Variants in ADAMTS12 observed in about 807,000 individuals in gnomAD.
ADAMTS12 encodes the protein ADAM metallopeptidase with thrombospondin type 1 motif 12, also known as A disintegrin and metalloproteinase with thrombospondin motifs 12.
ADAMTS12 carries 118 observed loss-of-function variants against 167.8 expected under a neutral mutation model. The observed-to-expected ratio is 0.70, with a 90% confidence interval of 0.61 to 0.82. The LOEUF is 0.82. Among genes scored for constraint, ADAMTS12 ranks in the 40% least tolerant of loss-of-function variants. The pLI is 0.00. For synonymous variants in ADAMTS12, 704 were observed against 716.9 expected (o/e 0.98, Z 0.29); for missense variants, 1,916 against 1,998.8 (o/e 0.96, Z 0.79).
chr5:33,823,579 T>C (rs781025327), intron 2 of ADAMTS12, among the ~76,000 whole-genome samples: 1 of 151,288 alleles, frequency 6.6e-6, no homozygotes, highest in Non-Finnish European at 1.5e-5. Context: ...ACTCACCCTG[T>C]AGGGAGGGGA....
chr5:33,884,624 A>G lies in ADAMTS12; in HGVS notation c.128-3144T>C, dbSNP rs113314918. On this transcript the variant is annotated intron_variant, in intron 1 of 23. Transcript: ENST00000504830. ...TGTCCTGAAGGAATTCTCTCTCTGAAATCTCTCCACTGGCCTTTAAGCCTC... is the reference window on the plus strand; with the variant it reads ...TGTCCTGAAGGAATTCTCTCTCTGAGATCTCTCCACTGGCCTTTAAGCCTC... 4.9e-4 allele frequency among the ~76,000 whole-genome samples: 74 copies of G among 152,240 alleles called. 1 individual carries two copies. The highest frequency in any genetic ancestry group is 1.6e-3 in the African/African-American group (68 of 41,544).
chr5:33,708,254 C>G (rs1743268639), intron 3 of ADAMTS12, among the ~76,000 whole-genome samples: 1 of 152,122 alleles, frequency 6.6e-6, no homozygotes, highest in Non-Finnish European at 1.5e-5. Context: ...GAGATACCAT[C>G]TCATGCCTGT....
chr5:33,526,982 T>C lies in ADAMTS12; in HGVS notation c.*206A>G, dbSNP rs1743848673. The C allele has an allele frequency of 1.7e-6, 1 of 583,944 alleles. No homozygotes were observed. The allele number at this position is 583,944 out of a possible 1,614,324, so 36.2% of individuals were successfully genotyped here. On this transcript the variant is annotated 3_prime_UTR_variant, in exon 24 of 24. Transcript: ENST00000504830. ...GATTCTCCTAGCTATTTCACCTTCC[T>C]ATCAGGGAGCAGCAAGTACGGCAGC...
chr5:33,642,575 G>C (rs1740503069), intron 10 of ADAMTS12, among the ~76,000 whole-genome samples: 1 of 152,028 alleles, frequency 6.6e-6, no homozygotes, highest in Non-Finnish European at 1.5e-5. Flanking sequence ...AAGCAACTAA[G>C]AAAAAATCCA....
intron 3 of ADAMTS12, among the ~76,000 whole-genome samples, chr5:33,744,730 A>T (rs1042961215): frequency 6.6e-6 from 1 of 152,224 alleles, no homozygotes; most frequent in East Asian, 1.9e-4. Flanking sequence ...GACACAGATT[A>T]AAGAAGGCCA....
chr5:33,864,755 C>G (rs4866394), intron 2 of ADAMTS12, among the ~76,000 whole-genome samples: 4,508 of 152,142 alleles, frequency 0.03, 190 homozygotes, highest in East Asian at 0.2. Flanking sequence ...AACCAAACAC[C>G]GCATGTTCTC....
intron 2 of ADAMTS12, chr5:33,880,875 T>C: frequency 2.1e-6 from 1 of 482,716 alleles, no homozygotes; most frequent in Admixed American, 3.5e-5. Context: ...CAAACTGATG[T>C]TGCTGGTTGG....
intron 23 of ADAMTS12, among the ~76,000 whole-genome samples, chr5:33,528,931 G>A (rs1200962266): frequency 6.6e-6 from 1 of 152,150 alleles, no homozygotes; most frequent in Non-Finnish European, 1.5e-5. Context: ...TGTAATCCCA[G>A]CTACTCAGGA....
chr5:33,602,654 T>G (rs753002078), intron 16 of ADAMTS12, among the ~76,000 whole-genome samples: 1 of 152,180 alleles, frequency 6.6e-6, no homozygotes, highest in Non-Finnish European at 1.5e-5. Context: ...CAGTATATGG[T>G]CACAAATCAG....
At chr5:33,588,528 A>C in intron 18 of ADAMTS12, 71 bp downstream of exon 18, 1 of 1,570,794 alleles carries the variant, frequency 6.4e-7, no homozygotes. Flanking sequence ...TTTGGATTGG[A>C]TAATGAGAAG....
chr5:33,561,062 GA>G lies in ADAMTS12; in HGVS notation c.4089del (p.Cys1365ValfsTer36). ...TTTCCCACTTTCCAGCCAGCACAGG[GA>G]CGGAGGTGGCATCTTTTTGCAGGGT... ...RPDPAKRCHL[R>X]PCAGWKVGNW... On this transcript the variant is annotated frameshift_variant, in exon 20 of 24. Coordinates refer to ENST00000504830, the MANE Select transcript of ADAMTS12 (RefSeq NM_030955.4). LOFTEE classifies it high-confidence loss of function. The G allele has an allele frequency of 6.2e-7, 1 of 1,614,150 alleles. No individual in the cohort carries two copies. Among genetic ancestry groups the G allele is most frequent in the Non-Finnish European group, 8.5e-7 (1 of 1,180,030 alleles).
intron 2 of ADAMTS12, among the ~76,000 whole-genome samples, chr5:33,862,933 G>A (rs759036870): frequency 1.3e-5 from 2 of 151,858 alleles, no homozygotes; most frequent in South Asian, 2.1e-4. Context: ...CAGAACCAAC[G>A]ACAAAAACCA....
chr5:33,752,572 G>T (rs1472345792), intron 2 of ADAMTS12, among the ~76,000 whole-genome samples: 1 of 152,306 alleles, frequency 6.6e-6, no homozygotes. Flanking sequence ...TTAGAAGAGG[G>T]CCTGGATCAT....
intron 2 of ADAMTS12, among the ~76,000 whole-genome samples, chr5:33,868,471 G>C (rs1356638696): frequency 2.0e-5 from 3 of 152,224 alleles, no homozygotes; most frequent in African/African-American, 7.2e-5. Flanking sequence ...TTGGGAACTA[G>C]AGCAAAGGTC....
At chr5:33,560,114 G>A (rs1393440417) in intron 20 of ADAMTS12, among the ~76,000 whole-genome samples, 2 of 152,160 alleles carry the variant, frequency 1.3e-5, no homozygotes, top group East Asian at 1.9e-4. Context: ...TGCTGGAGAA[G>A]CAATTAATAA....
At chr5:33,876,978 A>C (rs1561323099) in intron 2 of ADAMTS12, among the ~76,000 whole-genome samples, 1 of 152,244 alleles carries the variant, frequency 6.6e-6, no homozygotes, top group Non-Finnish European at 1.5e-5. Flanking sequence ...TCAAAAGTTT[A>C]ACCCATATTT....
At chr5:33,785,142 C>T (rs1746281846) in intron 2 of ADAMTS12, among the ~76,000 whole-genome samples, 1 of 151,964 alleles carries the variant, frequency 6.6e-6, no homozygotes, top group Non-Finnish European at 1.5e-5. Flanking sequence ...ATGATGGACA[C>T]CTTTCTCATA....
At chr5:33,661,833 T>C in intron 6 of ADAMTS12, 83 bp downstream of exon 6, 1 of 1,567,712 alleles carries the variant, frequency 6.4e-7, no homozygotes, top group Non-Finnish European at 8.7e-7. Flanking sequence ...GAGAATGTCA[T>C]GGGTTTGAAC....
intron 3 of ADAMTS12, among the ~76,000 whole-genome samples, chr5:33,739,125 A>G (rs146870099): frequency 1.3e-5 from 2 of 152,324 alleles, no homozygotes; most frequent in African/African-American, 4.8e-5. Flanking sequence ...TAAAGAGAAC[A>G]GGTAGAACTT....
Sources: allele counts gnomAD v4.1 joint callset (sites outside exome capture counted in the v4.1 genomes callset), GRCh38; gene constraint gnomAD v4.1.1; transcripts MANE v1.5; gene names NCBI Gene and HGNC (gene_info 2026-07-23, HGNC 2026-07-21).